Variants in CHORDC1 observed in about 807,000 individuals in gnomAD.
CHORDC1 encodes cysteine and histidine-rich domain-containing protein 1.
In CHORDC1, 25 loss-of-function variants were observed where a neutral mutation model predicts 48.3. That is an observed-to-expected ratio of 0.52 (90% confidence interval 0.38 to 0.72). CHORDC1 has a LOEUF of 0.72. CHORDC1 is among the 30% of genes least tolerant of loss of function. The pLI is 0.00. For missense variants in CHORDC1, 317 were observed against 388.7 expected, an observed-to-expected ratio of 0.82 and a Z score of 1.55; for synonymous variants, 128 against 126.4, an observed-to-expected ratio of 1.01 and a Z score of -0.09.
intron 4 of CHORDC1, chr11:90,211,632 G>A (rs967173826): frequency 4.1e-6 from 1 of 245,888 alleles, no homozygotes; most frequent in African/African-American, 2.4e-5. Flanking sequence ...GATGAGTAAT[G>A]CTGAGGAAGG....
In CHORDC1 at chr11:90,201,746, T is replaced by C. The variant is rs1208220444; in HGVS notation, c.*659A>G. 2.6e-5 allele frequency: 4 copies of C among 152,436 alleles called. No homozygotes were observed. Among genetic ancestry groups the C allele is most frequent in the Non-Finnish European group, 5.9e-5 (4 of 67,888 alleles). 9.4% of individuals were successfully genotyped at this position (152,436 alleles called of 1,614,324 possible). A position where few individuals can be genotyped will look rare whatever the true frequency, so the allele number is the denominator to read the frequency against. ...TATAAAATGGTGAATTTTAACCAAA[T>C]TGATACCTCTGTAATCTTATTTATG... On this transcript the variant is annotated 3_prime_UTR_variant, in exon 11 of 11. Transcript: ENST00000320585.
chr11:90,211,191 C>A (rs763688828), intron 5 of CHORDC1, 24 bp downstream of exon 5: 3 of 1,445,264 alleles, frequency 2.1e-6, no homozygotes, highest in Non-Finnish European at 2.9e-6. Context: ...AAATAATTAA[C>A]AATAAAACAA....
chr11:90,219,821 G>A (rs761196123), intron 1 of CHORDC1, among the ~76,000 whole-genome samples: 5 of 152,126 alleles, frequency 3.3e-5, no homozygotes, highest in Non-Finnish European at 5.9e-5. Context: ...CGACCAAGCT[G>A]CTCTCAGCAA....
At position 90,218,162 on chromosome 11, in the gene CHORDC1, A is replaced by G. The variant is rs773532492; in HGVS notation, c.87T>C (p.Gly29=). 1.7e-5 allele frequency: 27 copies of G among 1,578,454 alleles called. No individual in the cohort carries two copies. The highest frequency in any genetic ancestry group is 2.2e-5 in the Non-Finnish European group (26 of 1,168,468). ...TTAATGCATCGTGAAAGACCGGAAC[A>G]CCTGGGTGGTATGTGCAAGCATCTG... ...NSDDACTYHP[G]VPVFHDALKG... The change falls in exon 2 of 11, where the codon GGT becomes GGC. Residue 29 remains glycine, a synonymous_variant. Transcript: ENST00000320585.
intron 2 of CHORDC1, among the ~76,000 whole-genome samples, chr11:90,215,755 CAG>C (rs1857993804): frequency 6.6e-6 from 1 of 151,944 alleles, no homozygotes; most frequent in Non-Finnish European, 1.5e-5. Flanking sequence ...AGCATAAAGA[CAG>C]AGAAACTATT....
At chr11:90,206,726 A>C (rs1478650492) in intron 6 of CHORDC1, 1 of 1,211,322 alleles carries the variant, frequency 8.3e-7, no homozygotes, top group Admixed American at 2.4e-5. Flanking sequence ...TATCCCTATA[A>C]AGGGTAAAAT....
At chr11:90,217,444 C>T (rs1300782885) in intron 2 of CHORDC1, among the ~76,000 whole-genome samples, 1 of 152,156 alleles carries the variant, frequency 6.6e-6, no homozygotes, top group Non-Finnish European at 1.5e-5. Context: ...TTCTCCAGAA[C>T]ATCCAAGAAG....
intron 2 of CHORDC1, among the ~76,000 whole-genome samples, chr11:90,215,439 A>G (rs1857983749): frequency 6.6e-6 from 1 of 152,070 alleles, no homozygotes; most frequent in African/African-American, 2.4e-5. Context: ...TGTTAAAGTG[A>G]TTTGTGCTAT....
chr11:90,205,887 C>T (rs1857666887), intron 7 of CHORDC1: 2 of 439,882 alleles, frequency 4.5e-6, no homozygotes, highest in African/African-American at 4.0e-5. Flanking sequence ...ATTCTAAATG[C>T]CCTGCAATGT....
rs899924759 is a variant in CHORDC1, at chr11:90,203,180, T to C, written c.789+128A>G. On this transcript the variant is annotated intron_variant, in intron 9 of 10. Transcript: ENST00000320585. Reference sequence around the variant, plus strand: ...GTTTCATAGAAGTAATTTAATTTTTTTTAATGGGAGTCATTATAAAATCTT... The same window carrying C: ...GTTTCATAGAAGTAATTTAATTTTTCTTAATGGGAGTCATTATAAAATCTT... The C allele has an allele frequency of 4.3e-6, 4 of 927,240 alleles. No homozygotes were observed. In the African/African-American group the frequency reaches 6.6e-5, roughly 15 times the overall value. The allele number at this position is 927,240 out of a possible 1,614,324, so 57.4% of individuals were successfully genotyped here.
intron 2 of CHORDC1, chr11:90,216,467 G>T (rs949294173): frequency 9.4e-6 from 3 of 320,254 alleles, no homozygotes; most frequent in African/African-American, 2.3e-5. Context: ...TTCTTACTTG[G>T]TCAACTAGTA....
intron 2 of CHORDC1, chr11:90,217,869 C>G (rs751991669): frequency 5.7e-6 from 1 of 174,562 alleles, no homozygotes; most frequent in Non-Finnish European, 1.1e-5. Flanking sequence ...TGCACTCCAC[C>G]TGGGCAACAC....
intron 1 of CHORDC1, among the ~76,000 whole-genome samples, chr11:90,219,970 C>G (rs1030402505): frequency 6.6e-6 from 1 of 152,194 alleles, no homozygotes; most frequent in Non-Finnish European, 1.5e-5. Context: ...GTCCAACATG[C>G]CGCCCCAGAC....
In CHORDC1 at chr11:90,218,840, G is replaced by A. The variant is rs573437316; in HGVS notation, c.65-656C>T. Among the ~76,000 whole-genome samples the A allele has an allele frequency of 5.5e-4, 84 of 152,154 alleles. 1 individual carries two copies. Among genetic ancestry groups the A allele is most frequent in the African/African-American group, 2.0e-3 (82 of 41,532 alleles). ...CTGGCGGCAGCCCTGTCTGGAAAGT[G>A]AGGAGCACCTCTGCCTGGCCACTGT... On this transcript the variant is annotated intron_variant, in intron 1 of 10. Coordinates refer to ENST00000320585, the MANE Select transcript of CHORDC1 (RefSeq NM_012124.3).
At chr11:90,215,977 G>A (rs561092050) in intron 2 of CHORDC1, among the ~76,000 whole-genome samples, 1 of 151,966 alleles carries the variant, frequency 6.6e-6, no homozygotes, top group African/African-American at 2.4e-5. Flanking sequence ...TCAAAAGACT[G>A]CATAAAAATA....
At chr11:90,215,283 A>G (rs1857980274) in intron 2 of CHORDC1, 53 bp from the exon 3 acceptor site, 1 of 1,183,410 alleles carries the variant, frequency 8.5e-7, no homozygotes, top group South Asian at 1.5e-5. Flanking sequence ...GAGAAACACG[A>G]CCCACTAAAA....
At position 90,201,781 on chromosome 11, in the gene CHORDC1, A is replaced by C. The variant is rs778777609; in HGVS notation, c.*624T>G. The C allele has an allele frequency of 1.3e-5, 2 of 152,416 alleles. No individual in the cohort carries two copies. The highest frequency in any genetic ancestry group is 2.9e-5 in the Non-Finnish European group (2 of 67,908). 9.4% of individuals were successfully genotyped at this position (152,416 alleles called of 1,614,324 possible). A position where few individuals can be genotyped will look rare whatever the true frequency, so the allele number is the denominator to read the frequency against. Reference sequence around the variant, plus strand: ...TGTAATCTTATTTATGTTTCCTATAACATCATACTGCTTGGCAAGTAATGT... The same window carrying C: ...TGTAATCTTATTTATGTTTCCTATACCATCATACTGCTTGGCAAGTAATGT... On this transcript the variant is annotated 3_prime_UTR_variant, in exon 11 of 11. Coordinates refer to ENST00000320585, the MANE Select transcript of CHORDC1 (RefSeq NM_012124.3).
chr11:90,210,241 C>T (rs1315117171), intron 6 of CHORDC1, among the ~76,000 whole-genome samples: 1 of 152,152 alleles, frequency 6.6e-6, no homozygotes, highest in African/African-American at 2.4e-5. Flanking sequence ...AGAATATCAG[C>T]TCCATAAGAA....
intron 8 of CHORDC1, among the ~76,000 whole-genome samples, 198 bp downstream of exon 8, chr11:90,205,262 G>T (rs971328370): frequency 6.6e-6 from 1 of 152,168 alleles, no homozygotes; most frequent in African/African-American, 2.4e-5. Context: ...CATCAAAACA[G>T]ACAATGGCTA....
Sources: gnomAD v4.1 joint callset for allele counts (sites outside exome capture counted in the v4.1 genomes callset) on GRCh38, gnomAD v4.1.1 for gene constraint, MANE v1.5 for transcripts, NCBI Gene and HGNC (gene_info 2026-07-23, HGNC 2026-07-21) for gene names.